ITGA7: variants seen among roughly 807,000 people sequenced by gnomAD.
ITGA7 encodes integrin subunit alpha 7, also known as integrin alpha-7.
A neutral mutation model predicts 131.6 loss-of-function variants in ITGA7; 84 were observed. The ratio of observed to expected loss-of-function variants is 0.64; its 90% confidence interval spans 0.54 to 0.77. The LOEUF is 0.77. Among genes scored for constraint, ITGA7 ranks in the 30% least tolerant of loss-of-function variants. The probability of loss-of-function intolerance (pLI) is 0.00; values close to 1 mark genes in which losing one functional copy is unlikely to be tolerated. For synonymous variants in ITGA7, 548 were observed against 600.7 expected, an observed-to-expected ratio of 0.91 and a Z score of 1.28; for missense variants, 1,399 against 1,482.9, an observed-to-expected ratio of 0.94 and a Z score of 0.93.
Position 55,698,422 on chromosome 12 carries a change from G to C in ITGA7, c.1153C>G (p.Leu385Val). The C allele has an allele frequency of 6.2e-7, 1 of 1,613,754 alleles. No individual in the cohort carries two copies. The highest frequency in any genetic ancestry group is 8.5e-7 in the Non-Finnish European group (1 of 1,179,766). The change falls in exon 7 of 25, where the codon CTG becomes GTG. Residue 385 changes from leucine to valine, a missense_variant. Coordinates refer to ENST00000257879, the MANE Select transcript of ITGA7 (RefSeq NM_002206.3). ...TGGTTGAGGTCCCCCAGGACAGCCA[G>C]GCTGATCCCGAACATGGAGTCAGGG... Reference protein sequence around the residue: ...GSPDSMFGISLAVLGDLNQDG... With the variant: ...GSPDSMFGISVAVLGDLNQDG...
upstream of ITGA7, among the ~76,000 whole-genome samples, chr12:55,708,704 AAG>A (rs1237286222): frequency 6.6e-6 from 1 of 152,184 alleles, no homozygotes; most frequent in African/African-American, 2.4e-5. Flanking sequence ...GCAAAGATGA[AAG>A]AGACTGGACC....
At chr12:55,691,552 A>G (rs1871418682) in intron 21 of ITGA7, among the ~76,000 whole-genome samples, 1 of 152,232 alleles carries the variant, frequency 6.6e-6, no homozygotes, top group Non-Finnish European at 1.5e-5. Context: ...ATTCCACAGT[A>G]TATACATATT....
rs1869692638 is a variant in ITGA7 at position 55,684,651 on chromosome 12, G to A, written c.*407C>T. 4.8e-6 allele frequency: 1 copy of A among 207,340 alleles called. No individual in the cohort carries two copies. The allele number at this position is 207,340 out of a possible 1,614,324, so 12.8% of individuals were successfully genotyped here. On this transcript the variant is annotated 3_prime_UTR_variant, in exon 25 of 25. Coordinates refer to ENST00000257879, the MANE Select transcript of ITGA7 (RefSeq NM_002206.3). ...GCAGCAAACTAAGGTCAGATGAGAG[G>A]GGAAACTAGAGAAGGAGCAGCCTGA... is the stretch of plus-strand genomic sequence containing the variant.
upstream of ITGA7, among the ~76,000 whole-genome samples, chr12:55,708,497 A>G (rs925045920): frequency 6.6e-6 from 1 of 152,042 alleles, no homozygotes; most frequent in Non-Finnish European, 1.5e-5. Flanking sequence ...AGAGAAAAAG[A>G]GGCAAGAAGA....
upstream of ITGA7, among the ~76,000 whole-genome samples, chr12:55,715,531 G>C (rs144234513): frequency 4.8e-3 from 725 of 152,358 alleles, 7 homozygotes; most frequent in Non-Finnish European, 7.9e-3. Flanking sequence ...CAAAAGGACA[G>C]AGATGAAATT....
rs1468874150 is a variant in ITGA7, at chr12:55,685,026, G to A, written c.*32C>T. The stretch of plus-strand genomic sequence containing the variant: ...AGCCATCTCTGGGGAAGGGATGGAG[G>A]GCAGCCACAGGCCAGGCTGGGACAT... On this transcript the variant is annotated 3_prime_UTR_variant, in exon 25 of 25. Transcript: ENST00000257879. 1.3e-6 allele frequency: 2 copies of A among 1,519,324 alleles called. No homozygotes were observed. The highest frequency in any genetic ancestry group is 4.5e-5 in the East Asian group (2 of 44,084). The allele number at this position is 1,519,324 out of a possible 1,614,324, so 94.1% of individuals were successfully genotyped here.
upstream of ITGA7, chr12:55,716,123 G>T (rs369750791): frequency 1.7e-5 from 27 of 1,609,664 alleles, no homozygotes; most frequent in Admixed American, 1.0e-4. Flanking sequence ...CCAGCCCCCA[G>T]CCCGACGTGA....
At chr12:55,712,658 G>A (rs535187032), upstream of ITGA7, among the ~76,000 whole-genome samples, 2 of 152,344 alleles carry the variant, frequency 1.3e-5, no homozygotes, top group Admixed American at 6.5e-5. Flanking sequence ...TCTCCAGATA[G>A]ATATGTATGC....
At chr12:55,708,143 C>T (rs550477282), upstream of ITGA7, 48 of 651,416 alleles carry the variant, frequency 7.4e-5, no homozygotes, top group African/African-American at 9.0e-4. Context: ...ATCCCCACCC[C>T]GGGAGTGGTG....
chr12:55,696,637 T>C (rs1872687348), intron 12 of ITGA7, among the ~76,000 whole-genome samples: 1 of 151,896 alleles, frequency 6.6e-6, no homozygotes, highest in South Asian at 2.1e-4. Flanking sequence ...GGACCAGATG[T>C]GATGATAAAA....
chr12:55,688,817 C>T (rs1870824093), intron 22 of ITGA7, 27 bp downstream of exon 22: 3 of 1,550,588 alleles, frequency 1.9e-6, no homozygotes, highest in Non-Finnish European at 2.7e-6. Flanking sequence ...AGAAGAAACA[C>T]AGACTAGAGC....
chr12:55,709,208 G>C (rs1875801420), upstream of ITGA7, among the ~76,000 whole-genome samples: 1 of 152,098 alleles, frequency 6.6e-6, no homozygotes, highest in African/African-American at 2.4e-5. Context: ...AATGTTTCTA[G>C]TGTTGTCTCT....
At chr12:55,692,124 A>C (rs949398826) in intron 21 of ITGA7, among the ~76,000 whole-genome samples, 1 of 152,216 alleles carries the variant, frequency 6.6e-6, no homozygotes, top group Non-Finnish European at 1.5e-5. Flanking sequence ...TTTAGAATTT[A>C]GTGTTTTTGC....
At chr12:55,711,025 T>C (rs904361583), upstream of ITGA7, among the ~76,000 whole-genome samples, 8 of 152,084 alleles carry the variant, frequency 5.3e-5, no homozygotes, top group African/African-American at 1.7e-4. Flanking sequence ...TAAAAAATGG[T>C]GAAAACTGAG....
chr12:55,699,063 A>G (rs1052574319), intron 5 of ITGA7, 146 bp from the exon 6 acceptor site: 2 of 730,838 alleles, frequency 2.7e-6, no homozygotes, highest in Non-Finnish European at 4.6e-6. Context: ...CCCTAGGTTA[A>G]GAGCCAAAAG....
chr12:55,693,044 CCCA>C, intron 20 of ITGA7, 69 bp from the exon 21 acceptor site: 3 of 1,612,596 alleles, frequency 1.9e-6, no homozygotes, highest in Non-Finnish European at 2.5e-6. Flanking sequence ...GAATCTCCTC[CCCA>C]CCGCCTTCCT....
chr12:55,696,387 A>G lies in ITGA7; in HGVS notation c.1783T>C (p.Tyr595His). Reference sequence around the variant, plus strand: ...CGGAGCCGAGGGGTCTGGAGACTGTAGGACAAGGTCACTACAATGGCCCGA... The same window carrying G: ...CGGAGCCGAGGGGTCTGGAGACTGTGGGACAAGGTCACTACAATGGCCCGA... ...KLRAIVVTLS[Y>H]SLQTPRLRRQ... Residue 595 changes from tyrosine (Y) to histidine (H), a missense_variant, in exon 13 of 25, where the codon TAC (tyrosine) becomes CAC (histidine). By Grantham distance (83) the Tyr-to-His change is moderately conservative (BLOSUM62 2). Transcript: ENST00000257879. 1.2e-6 allele frequency: 2 copies of G among 1,600,120 alleles called. No homozygotes were observed. Among genetic ancestry groups the G allele is most frequent in the South Asian group, 1.1e-5 (1 of 88,638 alleles).
chr12:55,686,256 G>A, intron 24 of ITGA7: 2 of 1,349,686 alleles, frequency 1.5e-6, no homozygotes, highest in South Asian at 1.1e-5. Flanking sequence ...AGCCAGACAG[G>A]CCCGGTGATA....
At chr12:55,706,418 C>T (rs994264824) in intron 1 of ITGA7, among the ~76,000 whole-genome samples, 1 of 152,166 alleles carries the variant, frequency 6.6e-6, no homozygotes, top group Admixed American at 6.5e-5. Flanking sequence ...TGTCCCTGCC[C>T]CCTGCCCCCA....
Sources: allele counts gnomAD v4.1 joint callset (sites outside exome capture counted in the v4.1 genomes callset), GRCh38; gene constraint gnomAD v4.1.1; transcripts MANE v1.5; gene names NCBI Gene and HGNC (gene_info 2026-07-23, HGNC 2026-07-21).